SLC9A9: variants seen among roughly 807,000 people sequenced by gnomAD.
SLC9A9 encodes sodium/hydrogen exchanger 9.
In SLC9A9, 62 loss-of-function variants were observed where a neutral mutation model predicts 77.8. The observed-to-expected ratio is 0.80, with a 90% CI of 0.65 to 0.98. The LOEUF (loss-of-function observed/expected upper bound fraction) is 0.98, where lower values mean the gene tolerates loss of function less well. SLC9A9 is among the 50% of genes least tolerant of loss of function. The probability of loss-of-function intolerance (pLI) is 0.00; values close to 1 mark genes in which losing one functional copy is unlikely to be tolerated. For synonymous variants in SLC9A9, 320 were observed against 283.5 expected (o/e 1.13, Z -1.29); for missense variants, 775 against 774.9 (o/e 1.00, Z 0.00).
At chr3:143,290,083 C>G (rs547705568) in intron 14 of SLC9A9, among the ~76,000 whole-genome samples, 2 of 152,152 alleles carry the variant, frequency 1.3e-5, no homozygotes, top group Non-Finnish European at 2.9e-5. Context: ...TCTGAGAAAC[C>G]TTCCCTGACC....
intron 4 of SLC9A9, among the ~76,000 whole-genome samples, chr3:143,785,849 T>C (rs1364193910): frequency 5.6e-4 from 17 of 30,148 alleles, no homozygotes; most frequent in Admixed American, 4.6e-3. Flanking sequence ...ATTTTTCTTT[T>C]TTTTTTTTTT....
chr3:143,453,004 T>C (rs1162856558), intron 12 of SLC9A9, among the ~76,000 whole-genome samples: 1 of 152,038 alleles, frequency 6.6e-6, no homozygotes, highest in African/African-American at 2.4e-5. Context: ...TTAATATATA[T>C]GCATATTATG....
chr3:143,678,187 GTTCT>G (rs1932947043), intron 5 of SLC9A9, among the ~76,000 whole-genome samples: 1 of 152,104 alleles, frequency 6.6e-6, no homozygotes. Context: ...ATTTTAAAGT[GTTCT>G]TTGTGTATTA....
At chr3:143,467,231 G>A (rs1158067984) in intron 11 of SLC9A9, 41 bp from the exon 12 acceptor site, 4 of 1,613,194 alleles carry the variant, frequency 2.5e-6, no homozygotes, top group East Asian at 4.5e-5. Context: ...TGCCTTGCAG[G>A]TGTCTTTTTC....
chr3:143,819,055 C>T (rs998046646), intron 2 of SLC9A9, among the ~76,000 whole-genome samples: 4 of 152,068 alleles, frequency 2.6e-5, no homozygotes, highest in African/African-American at 9.7e-5. Context: ...GCACTCCAGC[C>T]TGGGCAACAA....
chr3:143,579,176 C>T (rs1232025654), intron 6 of SLC9A9, among the ~76,000 whole-genome samples: 1 of 152,138 alleles, frequency 6.6e-6, no homozygotes, highest in African/African-American at 2.4e-5. Context: ...ACAAAATATT[C>T]TGCCATGATC....
intron 6 of SLC9A9, among the ~76,000 whole-genome samples, chr3:143,612,386 A>T (rs960300022): frequency 6.6e-6 from 1 of 152,180 alleles, no homozygotes; most frequent in East Asian, 1.9e-4. Flanking sequence ...GTGTCCTCAG[A>T]CAGTCTCTCT....
chr3:143,477,722 C>A (rs1040532397), intron 11 of SLC9A9, among the ~76,000 whole-genome samples: 1 of 152,076 alleles, frequency 6.6e-6, no homozygotes, highest in Non-Finnish European at 1.5e-5. Flanking sequence ...TATGGTTCTG[C>A]GTCAACCTAT....
intron 7 of SLC9A9, among the ~76,000 whole-genome samples, chr3:143,576,910 C>T (rs1378554662): frequency 1.3e-5 from 2 of 152,176 alleles, no homozygotes; most frequent in African/African-American, 4.8e-5. Context: ...TTACAAGGTT[C>T]TCAGGATGAA....
intron 4 of SLC9A9, among the ~76,000 whole-genome samples, chr3:143,707,934 ACCTTCC>A (rs1178576996): frequency 6.6e-6 from 1 of 152,056 alleles, no homozygotes; most frequent in Admixed American, 6.5e-5. Context: ...CAAACTTGTC[ACCTTCC>A]TGGGCCTTCC....
intron 4 of SLC9A9, among the ~76,000 whole-genome samples, chr3:143,755,468 A>G (rs528586748): frequency 5.4e-4 from 82 of 152,308 alleles, no homozygotes; most frequent in African/African-American, 1.9e-3. Context: ...GCCTAAATCT[A>G]CAAGCAACCT....
chr3:143,746,634 C>T (rs1935204292), intron 4 of SLC9A9, among the ~76,000 whole-genome samples: 1 of 152,164 alleles, frequency 6.6e-6, no homozygotes, highest in Non-Finnish European at 1.5e-5. Flanking sequence ...AGGAAAAAAG[C>T]CTGTCATCAG....
chr3:143,368,682 C>T (rs4839630), intron 13 of SLC9A9, among the ~76,000 whole-genome samples: 59,144 of 151,980 alleles, frequency 0.39, 11,850 homozygotes, highest in East Asian at 0.63. Flanking sequence ...TAAGGTAGTA[C>T]CTGTGAATAG....
chr3:143,623,400 T>C (rs1039088840), intron 6 of SLC9A9, among the ~76,000 whole-genome samples: 3 of 152,200 alleles, frequency 2.0e-5, no homozygotes, highest in African/African-American at 7.2e-5. Flanking sequence ...AGAACAGAAA[T>C]TATAACAAAC....
chr3:143,710,681 C>T (rs536907715), intron 4 of SLC9A9, among the ~76,000 whole-genome samples: 1 of 152,328 alleles, frequency 6.6e-6, no homozygotes, highest in East Asian at 1.9e-4. Flanking sequence ...TAGTTTTCTC[C>T]TAAAGAGAGT....
chr3:143,806,069 C>T (rs1343191740), intron 2 of SLC9A9, among the ~76,000 whole-genome samples: 1 of 148,816 alleles, frequency 6.7e-6, no homozygotes, highest in Non-Finnish European at 1.5e-5. Flanking sequence ...TTCTTTTCCC[C>T]CCCACCTCTT....
intron 7 of SLC9A9, 85 bp from the exon 8 acceptor site, chr3:143,574,278 T>A: frequency 1.8e-6 from 2 of 1,098,584 alleles, no homozygotes; most frequent in Non-Finnish European, 2.7e-6. Flanking sequence ...GATCTGGTGA[T>A]GATAGCTCTA....
At chr3:143,369,823 G>A (rs1295507523) in intron 13 of SLC9A9, among the ~76,000 whole-genome samples, 1 of 152,102 alleles carries the variant, frequency 6.6e-6, no homozygotes, top group African/African-American at 2.4e-5. Context: ...CTTTTTTGCT[G>A]TCTCTCTTGG....
intron 14 of SLC9A9, among the ~76,000 whole-genome samples, chr3:143,335,557 G>T (rs147708567): frequency 0.011 from 1,692 of 152,196 alleles, 41 homozygotes; most frequent in African/African-American, 0.039. Flanking sequence ...GTGTGGTACT[G>T]GCATAAAAAC....
Sources: gnomAD v4.1 joint callset for allele counts (sites outside exome capture counted in the v4.1 genomes callset) on GRCh38, gnomAD v4.1.1 for gene constraint, MANE v1.5 for transcripts, NCBI Gene and HGNC (gene_info 2026-07-23, HGNC 2026-07-21) for gene names.